COL19A1: variants seen among roughly 807,000 people sequenced by gnomAD.
COL19A1 encodes collagen type XIX alpha 1 chain.
Under a neutral mutation model 190.2 loss-of-function variants are expected in COL19A1, and 159 were observed. That is an observed-to-expected ratio of 0.84 (90% confidence interval 0.73 to 0.95). The LOEUF is 0.95. Ranked by LOEUF, COL19A1 falls within the 40% of genes least tolerant of loss-of-function variation. The pLI, the probability that COL19A1 is intolerant of heterozygous loss-of-function variation, is 0.00. For missense variants in COL19A1, 1,418 were observed against 1,431.9 expected (o/e 0.99, Z 0.16); for synonymous variants, 509 against 458.9 (o/e 1.11, Z -1.39).
intron 14 of COL19A1, among the ~76,000 whole-genome samples, chr6:70,040,789 C>A (rs1471155906): frequency 2.0e-5 from 3 of 152,090 alleles, no homozygotes; most frequent in Non-Finnish European, 4.4e-5. Flanking sequence ...CATCCTTTAA[C>A]CTTTAAATAT....
chr6:70,098,993 C>T (rs9446196), intron 15 of COL19A1, among the ~76,000 whole-genome samples: 36,411 of 146,306 alleles, frequency 0.25, 4,782 homozygotes, highest in South Asian at 0.41. Context: ...AGGCCAGAGC[C>T]GGAGAATCAC....
At chr6:70,020,646 T>C (rs1357222036) in intron 11 of COL19A1, among the ~76,000 whole-genome samples, 1 of 152,166 alleles carries the variant, frequency 6.6e-6, no homozygotes, top group Non-Finnish European at 1.5e-5. Flanking sequence ...GATTTTGCCC[T>C]CTAGGAACAT....
chr6:70,049,469 T>C (rs575610969), intron 14 of COL19A1, among the ~76,000 whole-genome samples: 1 of 152,134 alleles, frequency 6.6e-6, no homozygotes, highest in Non-Finnish European at 1.5e-5. Context: ...TCAGGGAAGA[T>C]TTATGTTTTG....
chr6:70,156,319 G>T lies in COL19A1; in HGVS notation c.2188G>T (p.Asp730Tyr), dbSNP rs200503721. ...CTGTTCTTCCTCTGTCTTCTAGGGT[G>T]ATATAGGGCCACGGGGTCCTCCAGG... is the stretch of plus-strand genomic sequence containing the variant. ...GKYDSMARKG[D>Y]IGPRGPPGIP... The change falls in exon 33 of 51, where the codon GAT becomes TAT. Residue 730 changes from aspartate to tyrosine, a missense_variant. Physicochemically the swap from Asp to Tyr is radical, Grantham distance 160 (BLOSUM62 -3). Coordinates refer to ENST00000620364, the MANE Select transcript of COL19A1 (RefSeq NM_001858.6). 88 of 1,613,344 alleles carry T rather than the reference G, an allele frequency of 5.5e-5. No homozygotes were observed. In the East Asian group the frequency reaches 7.6e-4, roughly 14 times the overall value.
At chr6:70,127,730 A>G (rs1785285158) in intron 17 of COL19A1, among the ~76,000 whole-genome samples, 1 of 152,130 alleles carries the variant, frequency 6.6e-6, no homozygotes, top group Admixed American at 6.5e-5. Context: ...ACTTCCCTTT[A>G]TAAAAGCATC....
intron 14 of COL19A1, among the ~76,000 whole-genome samples, chr6:70,055,781 TA>T (rs55871207): frequency 0.43 from 50,579 of 117,402 alleles, 11,281 homozygotes; most frequent in Non-Finnish European, 0.52. Context: ...AACTCTGTAT[TA>T]AAAAAAAAAA....
intron 4 of COL19A1, among the ~76,000 whole-genome samples, chr6:69,914,815 A>G (rs1226614385): frequency 6.6e-6 from 1 of 152,232 alleles, no homozygotes; most frequent in Non-Finnish European, 1.5e-5. Flanking sequence ...ATGTGAATGT[A>G]TCTCACACTC....
chr6:70,048,611 C>T (rs895692817), intron 14 of COL19A1, among the ~76,000 whole-genome samples: 1 of 152,154 alleles, frequency 6.6e-6, no homozygotes. Context: ...TGTAGTTGTT[C>T]ATATTATACA....
Position 70,169,225 on chromosome 6 carries a change from C to T in COL19A1, c.2568+544C>T, listed in dbSNP as rs558943890. ...TCATGTCCTCCAGCCGCCTAAAGGA[C>T]GATAATTGTTCTCAGCATCTTTCTG... is the stretch of plus-strand genomic sequence containing the variant. On this transcript the variant is annotated intron_variant, in intron 40 of 50. Coordinates refer to ENST00000620364, the MANE Select transcript of COL19A1 (RefSeq NM_001858.6). 2.0e-4 allele frequency among the ~76,000 whole-genome samples: 30 copies of T among 152,278 alleles called. 1 individual carries two copies. In the South Asian group the frequency reaches 4.8e-3, roughly 24 times the overall value.
intron 18 of COL19A1, among the ~76,000 whole-genome samples, chr6:70,134,174 A>G (rs1785693845): frequency 6.6e-6 from 1 of 152,216 alleles, no homozygotes; most frequent in Non-Finnish European, 1.5e-5. Context: ...GTCACTCTGT[A>G]CACCCTAATG....
At chr6:69,881,668 C>T (rs1485192518) in intron 2 of COL19A1, among the ~76,000 whole-genome samples, 2 of 152,154 alleles carry the variant, frequency 1.3e-5, no homozygotes, top group Non-Finnish European at 2.9e-5. Flanking sequence ...AATGTGAATT[C>T]AAAATTAATC....
rs552892231 is a variant in COL19A1 at position 69,939,947 on chromosome 6, C to A, written c.936+1847C>A. 3.3e-5 allele frequency among the ~76,000 whole-genome samples: 5 copies of A among 152,072 alleles called. No homozygotes were observed. In the South Asian group the frequency reaches 6.2e-4, roughly 19 times the overall value. Reference sequence around the variant, plus strand: ...TAATTTTTGGTGACTGTGATTTATACACGTTCACATACACATTTCTTAACT... The same window carrying A: ...TAATTTTTGGTGACTGTGATTTATAAACGTTCACATACACATTTCTTAACT... On this transcript the variant is annotated intron_variant, in intron 9 of 50. Coordinates refer to ENST00000620364, the MANE Select transcript of COL19A1 (RefSeq NM_001858.6).
At chr6:70,194,878 C>T (rs866322723) in intron 48 of COL19A1, among the ~76,000 whole-genome samples, 5 of 151,902 alleles carry the variant, frequency 3.3e-5, no homozygotes, top group Admixed American at 6.6e-5. Context: ...TAAGTATTCC[C>T]GAACAATGTT....
chr6:70,017,501 G>T (rs1398464583), intron 11 of COL19A1, among the ~76,000 whole-genome samples: 1 of 152,016 alleles, frequency 6.6e-6, no homozygotes, highest in African/African-American at 2.4e-5. Flanking sequence ...TAATAAAACT[G>T]TTAGCTAAAC....
chr6:69,958,958 T>C (rs1774599970), intron 9 of COL19A1, among the ~76,000 whole-genome samples: 1 of 152,240 alleles, frequency 6.6e-6, no homozygotes, highest in Admixed American at 6.5e-5. Context: ...ACTGTTATCT[T>C]ATAAATTAAT....
intron 9 of COL19A1, among the ~76,000 whole-genome samples, chr6:69,955,943 A>C (rs1045926547): frequency 1.3e-5 from 2 of 152,080 alleles, no homozygotes; most frequent in African/African-American, 4.8e-5. Context: ...CACAATGCAA[A>C]TTAAGCAGCA....
intron 15 of COL19A1, among the ~76,000 whole-genome samples, chr6:70,078,125 A>G (rs1487945200): frequency 6.6e-6 from 1 of 152,260 alleles, no homozygotes; most frequent in Admixed American, 6.5e-5. Context: ...GAAAAAGACA[A>G]GAGCTAATGA....
intron 14 of COL19A1, among the ~76,000 whole-genome samples, chr6:70,042,654 A>G (rs1779688963): frequency 1.3e-5 from 2 of 152,118 alleles, no homozygotes; most frequent in African/African-American, 4.8e-5. Context: ...TTCATGAAAG[A>G]TTTCTCTGTA....
chr6:70,188,037 G>T, intron 46 of COL19A1, 38 bp from the exon 47 acceptor site: 1 of 1,610,804 alleles, frequency 6.2e-7, no homozygotes, highest in Non-Finnish European at 8.5e-7. Flanking sequence ...GCTGATGCTA[G>T]AAGAGATTAT....
Sources: gnomAD v4.1 joint callset for allele counts (sites outside exome capture counted in the v4.1 genomes callset) on GRCh38, gnomAD v4.1.1 for gene constraint, MANE v1.5 for transcripts, NCBI Gene and HGNC (gene_info 2026-07-23, HGNC 2026-07-21) for gene names.